SLC24A2: variants seen among roughly 807,000 people sequenced by gnomAD.
SLC24A2 encodes the protein sodium/potassium/calcium exchanger 2.
A neutral mutation model predicts 62.0 loss-of-function variants in SLC24A2; 36 were observed. The observed-to-expected ratio is 0.58, with a 90% CI of 0.44 to 0.77. The LOEUF is 0.77. Among genes scored for constraint, SLC24A2 ranks in the 30% least tolerant of loss-of-function variants. The pLI is 0.00. For synonymous variants in SLC24A2, 358 were observed against 294.0 expected (o/e 1.22, Z -2.23); for missense variants, 846 against 817.9 (o/e 1.03, Z -0.42).
rs1188899124 is a variant in SLC24A2 at position 19,513,153 on chromosome 9, G to GATATAT, written c.*2994_*2999dup. The GATATAT allele has an allele frequency of 0.026, 1,994 of 77,784 alleles. 22 individuals carry two copies. The highest frequency in any genetic ancestry group is 0.036 in the East Asian group (82 of 2,290). The allele number at this position is 77,784 out of a possible 1,614,324, so 4.8% of individuals were successfully genotyped here. ...TGTGTACATATAGATCTGGTATAAA[G>GATATAT]ATATATATATATATATATATATGTA... On this transcript the variant is annotated 3_prime_UTR_variant, in exon 11 of 11. Transcript: ENST00000341998.
At chr9:19,567,114 A>AT (rs1444617120) in intron 7 of SLC24A2, among the ~76,000 whole-genome samples, 3 of 151,164 alleles carry the variant, frequency 2.0e-5, no homozygotes, top group African/African-American at 7.3e-5. Context: ...ATAATAAAAA[A>AT]AATATATATA....
At chr9:19,592,525 C>T (rs1291017591) in intron 5 of SLC24A2, among the ~76,000 whole-genome samples, 1 of 151,880 alleles carries the variant, frequency 6.6e-6, no homozygotes, top group African/African-American at 2.4e-5. Context: ...TACCTACCTA[C>T]CTACCTACCT....
At chr9:19,887,693 A>C in the SLC24A2 span, among the ~76,000 whole-genome samples, 1 of 152,172 alleles carries the variant, frequency 6.6e-6, no homozygotes, top group Non-Finnish European at 1.5e-5. Flanking sequence ...CAGCAATCCC[A>C]TTGCTGGGTA....
At chr9:19,818,437 C>T in the SLC24A2 span, among the ~76,000 whole-genome samples, 6 of 152,060 alleles carry the variant, frequency 3.9e-5, no homozygotes, top group African/African-American at 9.7e-5. Flanking sequence ...ACGATATGAT[C>T]GTTTACCCCG....
chr9:20,032,806 G>C, the SLC24A2 span, among the ~76,000 whole-genome samples: 1 of 152,164 alleles, frequency 6.6e-6, no homozygotes, highest in Non-Finnish European at 1.5e-5. Flanking sequence ...ACCCAGGGAG[G>C]AGTGGGGTAA....
intron 2 of SLC24A2, among the ~76,000 whole-genome samples, chr9:19,731,280 C>A (rs894564569): frequency 1.3e-5 from 2 of 152,204 alleles, no homozygotes; most frequent in African/African-American, 4.8e-5. Context: ...GTTTCTCCAT[C>A]TGTAAAATAC....
chr9:19,514,821 C>T lies in SLC24A2; in HGVS notation c.*1332G>A, dbSNP rs1485942597. On this transcript the variant is annotated 3_prime_UTR_variant, in exon 11 of 11. Transcript: ENST00000341998. ...CTCGACCTGGCACTCAGAAACCTTC[C>T]TGGGGTGCACTGAGTGTGCAAATGC... 1.3e-5 allele frequency: 2 copies of T among 152,196 alleles called. No individual in the cohort carries two copies. Among genetic ancestry groups the T allele is most frequent in the Non-Finnish European group, 2.9e-5 (2 of 68,042 alleles). 9.4% of individuals were successfully genotyped at this position (152,196 alleles called of 1,614,324 possible).
the SLC24A2 span, among the ~76,000 whole-genome samples, chr9:20,115,323 T>C: frequency 2.6e-5 from 4 of 152,110 alleles, no homozygotes; most frequent in African/African-American, 9.7e-5. Flanking sequence ...TTAATGGAGA[T>C]TTCGGGCAGG....
the SLC24A2 span, among the ~76,000 whole-genome samples, chr9:19,961,234 T>TAAA: frequency 6.7e-6 from 1 of 149,128 alleles, no homozygotes; most frequent in East Asian, 2.0e-4. Flanking sequence ...ATAATAATAA[T>TAAA]AAAAAAAAAG....
the SLC24A2 span, among the ~76,000 whole-genome samples, chr9:20,234,897 G>A: frequency 6.6e-6 from 1 of 152,134 alleles, no homozygotes; most frequent in African/African-American, 2.4e-5. Context: ...CGTACAGATG[G>A]GTTTTTGGTG....
the SLC24A2 span, among the ~76,000 whole-genome samples, chr9:19,851,627 C>T: frequency 6.6e-6 from 1 of 152,066 alleles, no homozygotes; most frequent in Non-Finnish European, 1.5e-5. Context: ...TGGCTTCCAC[C>T]TCCATCCATG....
At chr9:20,076,388 C>A in the SLC24A2 span, among the ~76,000 whole-genome samples, 2 of 152,132 alleles carry the variant, frequency 1.3e-5, no homozygotes, top group Non-Finnish European at 2.9e-5. Flanking sequence ...GCTTTTCCTA[C>A]TGCCAGGAAG....
At chr9:19,869,608 G>A in the SLC24A2 span, among the ~76,000 whole-genome samples, 1 of 152,086 alleles carries the variant, frequency 6.6e-6, no homozygotes, top group Non-Finnish European at 1.5e-5. Flanking sequence ...ATATTACAAT[G>A]TGTATCTTAA....
At chr9:19,734,780 G>A (rs553687912) in intron 2 of SLC24A2, among the ~76,000 whole-genome samples, 2 of 74,456 alleles carry the variant, frequency 2.7e-5, no homozygotes, top group East Asian at 1.5e-3. Context: ...GGAGATTTTG[G>A]GCTGAGATGA....
intron 2 of SLC24A2, among the ~76,000 whole-genome samples, chr9:19,628,979 G>A (rs1818105498): frequency 6.6e-6 from 1 of 152,142 alleles, no homozygotes; most frequent in Non-Finnish European, 1.5e-5. Flanking sequence ...ATGCTGGTGT[G>A]CAACAAACTA....
At chr9:20,199,163 G>T in the SLC24A2 span, among the ~76,000 whole-genome samples, 1 of 152,090 alleles carries the variant, frequency 6.6e-6, no homozygotes, top group Non-Finnish European at 1.5e-5. Context: ...TCTCTCTCCA[G>T]TTAGGGATGA....
the SLC24A2 span, among the ~76,000 whole-genome samples, chr9:20,265,752 C>T: frequency 7.1e-6 from 1 of 140,890 alleles, no homozygotes; most frequent in African/African-American, 2.7e-5. Flanking sequence ...CGCCGGTGAG[C>T]CAGGTGGAAC....
chr9:19,754,089 A>T (rs186029228), intron 2 of SLC24A2, among the ~76,000 whole-genome samples: 1 of 152,204 alleles, frequency 6.6e-6, no homozygotes, highest in African/African-American at 2.4e-5. Flanking sequence ...TTTAAACTAC[A>T]CTATGAAGGT....
At chr9:19,924,500 G>C in the SLC24A2 span, among the ~76,000 whole-genome samples, 2 of 152,072 alleles carry the variant, frequency 1.3e-5, no homozygotes, top group Admixed American at 1.3e-4. Flanking sequence ...CACTGATCTA[G>C]TCAGCTGTGT....
Sources: gnomAD v4.1 joint callset for allele counts (sites outside exome capture counted in the v4.1 genomes callset) on GRCh38, gnomAD v4.1.1 for gene constraint, MANE v1.5 for transcripts, NCBI Gene and HGNC (gene_info 2026-07-23, HGNC 2026-07-21) for gene names.